The following CAPN9 variants were observed in gnomAD, a reference collection of about 807,000 sequenced individuals.
The protein encoded by CAPN9 is calpain-9.
Under a neutral mutation model 92.8 loss-of-function variants are expected in CAPN9, and 81 were observed. The observed-to-expected ratio is 0.87, with a 90% CI of 0.73 to 1.05. The LOEUF (loss-of-function observed/expected upper bound fraction) is 1.05, where lower values mean the gene tolerates loss of function less well. Ranked by LOEUF, CAPN9 falls within the 50% of genes least tolerant of loss-of-function variation. The pLI, the probability that CAPN9 is intolerant of heterozygous loss-of-function variation, is 0.00. For synonymous variants in CAPN9, 304 were observed against 328.0 expected (o/e 0.93, Z 0.79); for missense variants, 848 against 866.2 (o/e 0.98, Z 0.26).
chr1:230,767,013 A>C (rs1443333413), intron 4 of CAPN9, among the ~76,000 whole-genome samples: 1 of 152,208 alleles, frequency 6.6e-6, no homozygotes, highest in Non-Finnish European at 1.5e-5. Flanking sequence ...CAGAGCACAT[A>C]TATGTAAAAT....
At chr1:230,756,702 G>A (rs977469885) in intron 2 of CAPN9, among the ~76,000 whole-genome samples, 4 of 152,126 alleles carry the variant, frequency 2.6e-5, no homozygotes, top group African/African-American at 9.7e-5. Context: ...TTGGGAGGCC[G>A]AGGCAGGAGA....
intron 19 of CAPN9, among the ~76,000 whole-genome samples, chr1:230,800,231 G>GAAAAAAGAAAGAAAGA (rs1275542783): frequency 1.9e-5 from 1 of 51,472 alleles, no homozygotes; most frequent in Non-Finnish European, 4.1e-5. Context: ...AAGAAAGAAA[G>GAAAAAAGAAAGAAAGA]AAGAAAGAAA....
At position 230,780,328 on chromosome 1, in the gene CAPN9, AT is replaced by A; in HGVS notation, c.1267del (p.Tyr423MetfsTer10). Reference protein sequence around the residue: ...GANVLTIGYAIYECPDKDEHL... With the variant: ...GANVLTIGYAXYECPDKDEHL... The stretch of plus-strand genomic sequence containing the variant: ...CAATGTGCTGACAATCGGCTATGCC[AT>A]TTATGAGGTAGGTGGGAACCACACT... On this transcript the variant is annotated frameshift_variant, in exon 10 of 20. Transcript: ENST00000271971. LOFTEE classifies it high-confidence loss of function. The A allele has an allele frequency of 6.2e-7, 1 of 1,613,950 alleles. No homozygotes were observed. The highest frequency in any genetic ancestry group is 2.2e-5 in the East Asian group (1 of 44,890).
chr1:230,775,873 C>T (rs1666730378), intron 8 of CAPN9, among the ~76,000 whole-genome samples: 1 of 148,180 alleles, frequency 6.7e-6, no homozygotes, highest in Non-Finnish European at 1.5e-5. Flanking sequence ...GCCGAGATTG[C>T]ATCACTGCAC....
At chr1:230,751,659 GAAAGAAAGAAAGAA>G (rs879319366) in intron 1 of CAPN9, among the ~76,000 whole-genome samples, 7,184 of 76,810 alleles carry the variant, frequency 0.094, 626 homozygotes, top group African/African-American at 0.15. Flanking sequence ...AAGAAAGAAA[GAAAGAAAGAAAGAA>G]AGAAAGAAAG....
intron 8 of CAPN9, among the ~76,000 whole-genome samples, chr1:230,777,217 C>T (rs1010377853): frequency 3.3e-5 from 5 of 152,050 alleles, no homozygotes; most frequent in East Asian, 1.9e-4. Context: ...TGGGAGAAGC[C>T]GGGCAGAGGA....
In CAPN9 at chr1:230,755,378, C is replaced by A. The variant is rs1449987514; in HGVS notation, c.255C>A (p.Thr85=). Residue 85 remains threonine, a synonymous_variant, in exon 2 of 20, where the codon ACC becomes ACA. Coordinates refer to ENST00000271971, the MANE Select transcript of CAPN9 (RefSeq NM_006615.3). The part of the protein sequence containing the change: ...KNPEFILGGA[T]RTDICQGELG... ...CAGAATTCATTCTTGGAGGGGCCACCAGGACTGATATCTGCCAGGGAGAGC... is the reference window on the plus strand; with the variant it reads ...CAGAATTCATTCTTGGAGGGGCCACAAGGACTGATATCTGCCAGGGAGAGC... 6.2e-7 allele frequency: 1 copy of A among 1,609,218 alleles called. No homozygotes were observed. Among genetic ancestry groups the A allele is most frequent in the Non-Finnish European group, 8.5e-7 (1 of 1,178,016 alleles).
At chr1:230,750,480 T>G (rs990757100) in intron 1 of CAPN9, among the ~76,000 whole-genome samples, 9 of 152,134 alleles carry the variant, frequency 5.9e-5, no homozygotes, top group Admixed American at 2.6e-4. Context: ...TTCTGTAAAA[T>G]CAGGAACAAA....
At chr1:230,787,666 G>T (rs1667702711) in intron 13 of CAPN9, 64 bp downstream of exon 13, 12 of 1,444,204 alleles carry the variant, frequency 8.3e-6, no homozygotes, top group South Asian at 1.1e-5. Context: ...TCCTAGCAAA[G>T]GGTTGCAGTC....
Position 230,747,440 on chromosome 1 carries a change from T to C in CAPN9, c.-57T>C, listed in dbSNP as rs1009495625. Reference sequence around the variant, plus strand: ...TCTTGACCGGCACACACAGCTCGCTTCTTCACTTTCTTTTCCATCCACTGC... The same window carrying C: ...TCTTGACCGGCACACACAGCTCGCTCCTTCACTTTCTTTTCCATCCACTGC... On this transcript the variant is annotated 5_prime_UTR_variant, in exon 1 of 20. Coordinates refer to ENST00000271971, the MANE Select transcript of CAPN9 (RefSeq NM_006615.3). The C allele has an allele frequency of 4.5e-5, 66 of 1,461,128 alleles. No individual in the cohort carries two copies. In the Admixed American group the frequency reaches 1.1e-3, roughly 24 times the overall value. 90.5% of individuals were successfully genotyped at this position (1,461,128 alleles called of 1,614,324 possible).
At chr1:230,795,341 G>A (rs1232152662) in intron 18 of CAPN9, 62 bp downstream of exon 18, 2 of 973,728 alleles carry the variant, frequency 2.1e-6, no homozygotes, top group African/African-American at 1.6e-5. Flanking sequence ...CCCTCCATGA[G>A]CGCATGAGAA....
Position 230,801,767 on chromosome 1 carries a change from C to G in CAPN9, c.*171C>G. On this transcript the variant is annotated 3_prime_UTR_variant, in exon 20 of 20. Transcript: ENST00000271971. Reference sequence around the variant, plus strand: ...AGAATGAAATGAACTCAGCTACACTCTCTGATTTTGTGCTACTCCTTTGTA... The same window carrying G: ...AGAATGAAATGAACTCAGCTACACTGTCTGATTTTGTGCTACTCCTTTGTA... 1.5e-6 allele frequency: 1 copy of G among 677,320 alleles called. No homozygotes were observed. 42.0% of individuals were successfully genotyped at this position (677,320 alleles called of 1,614,324 possible).
At chr1:230,785,494 T>TA (rs1341503095) in intron 11 of CAPN9, among the ~76,000 whole-genome samples, 1 of 152,144 alleles carries the variant, frequency 6.6e-6, no homozygotes, top group Non-Finnish European at 1.5e-5. Context: ...GTCTTCACGA[T>TA]AGTGAGTTTG....
intron 8 of CAPN9, among the ~76,000 whole-genome samples, chr1:230,777,900 C>T (rs1666930425): frequency 1.3e-5 from 2 of 152,104 alleles, no homozygotes; most frequent in African/African-American, 4.8e-5. Context: ...ATCCATGGTC[C>T]CCCTCCTGGC....
chr1:230,772,404 G>A (rs1485545204), intron 7 of CAPN9, among the ~76,000 whole-genome samples: 1 of 152,194 alleles, frequency 6.6e-6, no homozygotes, highest in African/African-American at 2.4e-5. Flanking sequence ...ATGGTGAAAA[G>A]CTTTATCTGT....
chr1:230,790,238 C>T (rs746593239), intron 14 of CAPN9, 49 bp downstream of exon 14: 10 of 1,608,304 alleles, frequency 6.2e-6, no homozygotes, highest in Admixed American at 1.7e-5. Context: ...GAGGGACAAG[C>T]GACCACACTG....
chr1:230,769,615 AC>A lies in CAPN9; in HGVS notation c.789+354del, dbSNP rs1558095197. ...TATACATACAATTAAACACACACACACCTATCTATCTATCTATCTATCTATC... is the reference window on the plus strand; with the variant it reads ...TATACATACAATTAAACACACACACACTATCTATCTATCTATCTATCTATC... On this transcript the variant is annotated intron_variant, in intron 6 of 19. Coordinates refer to ENST00000271971, the MANE Select transcript of CAPN9 (RefSeq NM_006615.3). Among the ~76,000 whole-genome samples the A allele has an allele frequency of 9.8e-3, 888 of 90,634 alleles. 11 individuals carry two copies. The highest frequency in any genetic ancestry group is 0.018 in the Admixed American group (183 of 9,976). The allele number at this position is 90,634 out of a possible 152,430, so 59.5% of individuals were successfully genotyped here.
chr1:230,751,367 G>A (rs780058934), intron 1 of CAPN9, among the ~76,000 whole-genome samples: 79 of 151,908 alleles, frequency 5.2e-4, no homozygotes, highest in Non-Finnish European at 8.5e-4. Context: ...TGGAAATGTG[G>A]CTTTTCTTCA....
chr1:230,792,015 A>G, intron 15 of CAPN9, 87 bp downstream of exon 15: 1 of 956,630 alleles, frequency 1.0e-6, no homozygotes, highest in Middle Eastern at 2.1e-4. Flanking sequence ...CAGACTCTCC[A>G]AGAACATGAC....
Sources: allele counts gnomAD v4.1 joint callset (sites outside exome capture counted in the v4.1 genomes callset), GRCh38; gene constraint gnomAD v4.1.1; transcripts MANE v1.5; gene names NCBI Gene and HGNC (gene_info 2026-07-23, HGNC 2026-07-21).